USP3: variants seen among roughly 807,000 people sequenced by gnomAD.
The protein encoded by USP3 is ubiquitin carboxyl-terminal hydrolase 3.
USP3 carries 20 observed loss-of-function variants against 72.3 expected under a neutral mutation model. That is an observed-to-expected ratio of 0.28 (90% CI 0.19 to 0.40). The LOEUF (loss-of-function observed/expected upper bound fraction) is 0.40, where lower values mean the gene tolerates loss of function less well. Among genes scored for constraint, USP3 ranks in the 10% least tolerant of loss-of-function variants. The probability of loss-of-function intolerance (pLI) is 1.00; values close to 1 mark genes in which losing one functional copy is unlikely to be tolerated. For synonymous variants in USP3, 222 were observed against 225.3 expected, an observed-to-expected ratio of 0.99 and a Z score of 0.13; for missense variants, 479 against 633.9, an observed-to-expected ratio of 0.76 and a Z score of 2.62.
At position 63,588,532 on chromosome 15, in the gene USP3, G is replaced by A; in HGVS notation, c.1215+109G>A. On this transcript the variant is annotated intron_variant, in intron 12 of 14. Coordinates refer to ENST00000380324, the MANE Select transcript of USP3 (RefSeq NM_006537.4). This position sits in a 1 kb window ranked among gnomAD's most constrained non-coding sequence, Gnocchi z 4.6. Reference sequence around the variant, plus strand: ...GTGAACTGTTCTGTATTTTTCTCTAGGATTTTCAGTAAAAGCTAAACCCCT... The same window carrying A: ...GTGAACTGTTCTGTATTTTTCTCTAAGATTTTCAGTAAAAGCTAAACCCCT... 3 of 1,025,300 alleles carry A rather than the reference G, an allele frequency of 2.9e-6. No individual in the cohort carries two copies. Among genetic ancestry groups the A allele is most frequent in the East Asian group, 2.4e-5 (1 of 42,100 alleles). 63.5% of individuals were successfully genotyped at this position (1,025,300 alleles called of 1,614,324 possible). A position where few individuals can be genotyped will look rare whatever the true frequency, so the allele number is the denominator to read the frequency against.
At chr15:63,555,140 G>C (rs938934446) in intron 4 of USP3, among the ~76,000 whole-genome samples, 1 of 152,152 alleles carries the variant, frequency 6.6e-6, no homozygotes, top group African/African-American at 2.4e-5. Flanking sequence ...CACTTCATCA[G>C]ATGAAAGGTG....
chr15:63,586,434 C>T (rs79673832), intron 11 of USP3, among the ~76,000 whole-genome samples: 2,235 of 152,266 alleles, frequency 0.015, 48 homozygotes, highest in African/African-American at 0.05. Flanking sequence ...CTATGACCCC[C>T]GCTGTCCCCG....
rs35639661 is a variant in USP3, at chr15:63,506,370, G to GA, written c.91+1551dup. 1.8e-3 allele frequency among the ~76,000 whole-genome samples: 267 copies of GA among 149,438 alleles called. 4 individuals are homozygous for GA. The East Asian group carries it at 0.023, about 13-fold the overall frequency. ...ATTTTTTTCCCAAAAGAAATTTGAA[G>GA]AAAAAAAAAAAGACCAAAGTAAACA... On this transcript the variant is annotated intron_variant, in intron 1 of 14. Transcript: ENST00000380324.
intron 3 of USP3, among the ~76,000 whole-genome samples, chr15:63,547,921 T>A (rs957851682): frequency 1.2e-5 from 1 of 80,676 alleles, no homozygotes; most frequent in African/African-American, 4.6e-5. Flanking sequence ...ATATAGTGGC[T>A]CATGCCTGTA....
At chr15:63,539,670 A>T (rs2058913) in intron 3 of USP3, among the ~76,000 whole-genome samples, 72,321 of 152,014 alleles carry the variant, frequency 0.48, 18,142 homozygotes, top group Non-Finnish European at 0.56. Flanking sequence ...AGTATACACT[A>T]TGATGGAGTC....
Position 63,556,677 on chromosome 15 carries a change from A to G in USP3, c.379A>G (p.Thr127Ala). 1 of 1,606,454 alleles carries G rather than the reference A, an allele frequency of 6.2e-7. No individual in the cohort carries two copies. The highest frequency in any genetic ancestry group is 1.1e-5 in the South Asian group (1 of 90,022). Residue 127 changes from threonine (T) to alanine (A), a missense_variant, in exon 5 of 15, where the codon ACA becomes GCA. Thr to Ala is a moderately conservative substitution (Grantham distance 58). Transcript: ENST00000380324. ...HLQNLENSAF[T>A]ADRHKKRKLL... ...TTTGTGTTTTAATAGCTCAGCTTTC[A>G]CAGCTGACAGGCATAAGAAAAGAAA...
At position 63,566,619 on chromosome 15, in the gene USP3, G is replaced by A. The variant is rs116998757; in HGVS notation, c.761+3611G>A. 1.7e-3 allele frequency among the ~76,000 whole-genome samples: 257 copies of A among 152,206 alleles called. 3 individuals are homozygous for A. The East Asian group carries it at 0.022, about 13-fold the overall frequency. ...TGACCCACCGTGCCTGGCCACGTGT[G>A]ATACTTTAATTAAAGTTTTATTTAA... On this transcript the variant is annotated intron_variant, in intron 8 of 14. Transcript: ENST00000380324.
At chr15:63,551,442 A>G (rs1019512614) in intron 3 of USP3, 1 of 151,974 alleles carries the variant, frequency 6.6e-6, no homozygotes, top group Non-Finnish European at 1.5e-5. Context: ...ATTGCCAATT[A>G]TGATTTACAT....
intron 11 of USP3, among the ~76,000 whole-genome samples, chr15:63,576,470 C>T (rs749181099): frequency 6.6e-5 from 10 of 152,128 alleles, no homozygotes; most frequent in Non-Finnish European, 1.2e-4. Context: ...ATTTCAGTTA[C>T]GACTTATCCC....
At chr15:63,568,001 A>G (rs2066719016) in intron 8 of USP3, among the ~76,000 whole-genome samples, 1 of 152,178 alleles carries the variant, frequency 6.6e-6, no homozygotes, top group African/African-American at 2.4e-5. Context: ...TGACAGATTT[A>G]GGAGAAGGGG....
Position 63,529,182 on chromosome 15 carries a change from T to G in USP3, c.92-3465T>G. The G allele has an allele frequency of 1.6e-6, 1 of 613,580 alleles. No individual in the cohort carries two copies. Among genetic ancestry groups the G allele is most frequent in the Non-Finnish European group, 2.6e-6 (1 of 383,406 alleles). The allele number at this position is 613,580 out of a possible 1,614,324, so 38.0% of individuals were successfully genotyped here. A position where few individuals can be genotyped will look rare whatever the true frequency, so the allele number is the denominator to read the frequency against. ...CACTTGGCAGGTAGTAAAGTGGTTTTTTTTTTTTTCTTTTTTTTGAGATAT... is the reference window on the plus strand; with the variant it reads ...CACTTGGCAGGTAGTAAAGTGGTTTGTTTTTTTTTCTTTTTTTTGAGATAT... On this transcript the variant is annotated intron_variant, in intron 1 of 14. Coordinates refer to ENST00000380324, the MANE Select transcript of USP3 (RefSeq NM_006537.4). This position sits in a 1 kb window ranked among gnomAD's most constrained non-coding sequence, Gnocchi z 4.2.
At position 63,539,082 on chromosome 15, in the gene USP3, C is replaced by T. The variant is rs757190507; in HGVS notation, c.284+1926C>T. ...TTAAGCATTAGCCAGGCAGTTAAAG[C>T]GTTTGCATTCCCCTTTCCCTCAGGT... On this transcript the variant is annotated intron_variant, in intron 3 of 14. Transcript: ENST00000380324. Among the ~76,000 whole-genome samples, 4 of 151,722 alleles carry T rather than the reference C, an allele frequency of 2.6e-5. No individual in the cohort carries two copies. The East Asian group carries it at 5.8e-4, about 22-fold the overall frequency.
At chr15:63,564,535 T>C (rs985026687) in intron 8 of USP3, among the ~76,000 whole-genome samples, 3 of 152,234 alleles carry the variant, frequency 2.0e-5, no homozygotes, top group Non-Finnish European at 2.9e-5. Flanking sequence ...TTTTATACAG[T>C]AGAAATCTGC....
At chr15:63,573,639 A>G (rs2066815503) in intron 9 of USP3, among the ~76,000 whole-genome samples, 1 of 152,252 alleles carries the variant, frequency 6.6e-6, no homozygotes, top group Non-Finnish European at 1.5e-5. Flanking sequence ...AGTAATTGTG[A>G]GAGTTCCCTG....
chr15:63,561,940 A>G (rs1224263203), intron 7 of USP3, among the ~76,000 whole-genome samples: 2 of 152,198 alleles, frequency 1.3e-5, no homozygotes, highest in Admixed American at 1.3e-4. Context: ...ACAGGTGTAG[A>G]AAACCAAAAT....
At position 63,529,369 on chromosome 15, in the gene USP3, C is replaced by T. The variant is rs139293270; in HGVS notation, c.92-3278C>T. 1.3e-5 allele frequency among the ~76,000 whole-genome samples: 2 copies of T among 152,142 alleles called. No homozygotes were observed. Among genetic ancestry groups the T allele is most frequent in the South Asian group, 2.1e-4 (1 of 4,818 alleles). On this transcript the variant is annotated intron_variant, in intron 1 of 14. Coordinates refer to ENST00000380324, the MANE Select transcript of USP3 (RefSeq NM_006537.4). The surrounding 1 kb of genome is among the most constrained non-coding windows in gnomAD (Gnocchi z 4.2). ...CATCTTAAAGTGAACAATTCAGTGGCGTTTAGTACATCCACAATTGTTTTA... is the reference window on the plus strand; with the variant it reads ...CATCTTAAAGTGAACAATTCAGTGGTGTTTAGTACATCCACAATTGTTTTA...
rs2066829300 is a variant in USP3 at position 63,574,463 on chromosome 15, G to A, written c.1096+60G>A. 7.8e-7 allele frequency: 1 copy of A among 1,280,652 alleles called. No individual in the cohort carries two copies. The highest frequency in any genetic ancestry group is 2.2e-5 in the Admixed American group (1 of 45,074). 79.3% of individuals were successfully genotyped at this position (1,280,652 alleles called of 1,614,324 possible). Reference sequence around the variant, plus strand: ...TTTAAATAATTGAATAGATTGATAAGCTTCATCTATATGTGGTATCTTTAA... The same window carrying A: ...TTTAAATAATTGAATAGATTGATAAACTTCATCTATATGTGGTATCTTTAA... On this transcript the variant is annotated intron_variant, in intron 11 of 14. Transcript: ENST00000380324. This position sits in a 1 kb window ranked among gnomAD's most constrained non-coding sequence, Gnocchi z 4.6.
chr15:63,529,192 CT>C lies in USP3; in HGVS notation c.92-3447del, dbSNP rs768818432. On this transcript the variant is annotated intron_variant, in intron 1 of 14. Coordinates refer to ENST00000380324, the MANE Select transcript of USP3 (RefSeq NM_006537.4). The surrounding 1 kb of genome is among the most constrained non-coding windows in gnomAD (Gnocchi z 4.2). ...GTAGTAAAGTGGTTTTTTTTTTTTT[CT>C]TTTTTTTGAGATATATTAAAAGGCA... 12 of 485,276 alleles carry C rather than the reference CT, an allele frequency of 2.5e-5. No homozygotes were observed. Among genetic ancestry groups the C allele is most frequent in the Admixed American group, 9.4e-5 (3 of 31,938 alleles). 30.1% of individuals were successfully genotyped at this position (485,276 alleles called of 1,614,324 possible). A position where few individuals can be genotyped will look rare whatever the true frequency, so the allele number is the denominator to read the frequency against.
At position 63,504,749 on chromosome 15, in the gene USP3, C is replaced by T. The variant is rs1387908849; in HGVS notation, c.10C>T (p.Pro4Ser). The change falls in exon 1 of 15, where the codon CCA becomes TCA. Residue 4 changes from proline to serine, a missense_variant. By Grantham distance (74) the Pro-to-Ser change is moderately conservative. Transcript: ENST00000380324. ...TGCCCTCCTCGTGGCCATGGAGTGTCCACACCTGAGCTCCAGCGTCTGCAT... is the reference window on the plus strand; with the variant it reads ...TGCCCTCCTCGTGGCCATGGAGTGTTCACACCTGAGCTCCAGCGTCTGCAT... MEC[P>S]HLSSSVCIAP... 4 of 1,610,096 alleles carry T rather than the reference C, an allele frequency of 2.5e-6. No homozygotes were observed. Among genetic ancestry groups the T allele is most frequent in the Non-Finnish European group, 2.5e-6 (3 of 1,178,450 alleles).
Sources: allele counts gnomAD v4.1 joint callset (sites outside exome capture counted in the v4.1 genomes callset), GRCh38; gene constraint gnomAD v4.1.1; non-coding constraint Gnocchi (gnomAD v3.1); transcripts MANE v1.5; gene names NCBI Gene and HGNC (gene_info 2026-07-23, HGNC 2026-07-21).